The following MYH7B variants were observed in gnomAD, a reference collection of about 807,000 sequenced individuals.
The protein encoded by MYH7B is myosin-7B.
Under a neutral mutation model 234.5 loss-of-function variants are expected in MYH7B, and 205 were observed. The observed-to-expected ratio is 0.87, with a 90% confidence interval of 0.78 to 0.98. The LOEUF is 0.98. MYH7B is among the 50% of genes least tolerant of loss of function. MYH7B has a pLI of 0.00. For synonymous variants in MYH7B, 1,193 were observed against 1,105.0 expected (o/e 1.08, Z -1.58); for missense variants, 2,652 against 2,633.4 (o/e 1.01, Z -0.15).
At chr20:34,986,696 C>T (rs886115239) in intron 14 of MYH7B, among the ~76,000 whole-genome samples, 190 bp from the exon 15 acceptor site, 4 of 152,196 alleles carry the variant, frequency 2.6e-5, no homozygotes, top group African/African-American at 9.7e-5. Context: ...GCCCTTCACT[C>T]TCAGTGCCCT....
Position 34,998,755 on chromosome 20 carries a change from C to T in MYH7B, c.4030C>T (p.Arg1344Trp), listed in dbSNP as rs769827659. ...CCTGGCCCACGCCGTGCAGGCTCTGCGGCACGACTGTGACCTCCTGCGGGA... is the reference window on the plus strand; with the variant it reads ...CCTGGCCCACGCCGTGCAGGCTCTGTGGCACGACTGTGACCTCCTGCGGGA... The change falls in exon 35 of 45, where the codon CGG becomes TGG. Residue 1344 changes from arginine to tryptophan, a missense_variant. Physicochemically the swap from Arg to Trp is moderately radical, Grantham distance 101. Transcript: ENST00000262873. 1.4e-5 allele frequency: 22 copies of T among 1,612,296 alleles called. No individual in the cohort carries two copies. In the East Asian group the frequency reaches 2.2e-4, roughly 16 times the overall value.
rs539976235 is a variant in MYH7B, at chr20:34,972,674, C to T, written c.-221-2726C>T. On this transcript the variant is annotated intron_variant, in intron 2 of 44. Coordinates refer to ENST00000262873, the Ensembl canonical transcript of MYH7B. ...GTCAGGGTCTTGTTCCTGTTGCCCA[C>T]GCTGGAGTGCAGTGGCATGATCTCA... Among the ~76,000 whole-genome samples the T allele has an allele frequency of 1.1e-4, 16 of 152,198 alleles. No homozygotes were observed. The East Asian group carries it at 1.4e-3, about 13-fold the overall frequency.
In MYH7B at chr20:35,001,206, AG is replaced by A. The variant is rs776436558; in HGVS notation, c.5476-35del. 1.9e-5 allele frequency: 31 copies of A among 1,606,280 alleles called. No homozygotes were observed. The Admixed American group carries it at 5.1e-4, about 26-fold the overall frequency. ...TTGGCGCAGGCAGGGTGGGTGACCC[AG>A]GGGTGGGCTTGGCATCAGGCTGTCC... On this transcript the variant is annotated intron_variant, in intron 41 of 44. Transcript: ENST00000262873.
chr20:34,989,932 T>C lies in MYH7B; in HGVS notation c.1767+13T>C, dbSNP rs1420726138. On this transcript the variant is annotated intron_variant, in intron 20 of 44. Coordinates refer to ENST00000262873, the Ensembl canonical transcript of MYH7B. ...CTACGCAGGCGTGGTAGGTGCTTGC[T>C]GGAACCCCAGCCCTCGGCCAGGCTC... 1.2e-6 allele frequency: 2 copies of C among 1,613,422 alleles called. No homozygotes were observed. The highest frequency in any genetic ancestry group is 1.7e-6 in the Non-Finnish European group (2 of 1,179,502).
Position 34,980,876 on chromosome 20 carries a change from G to C in MYH7B, c.499+142G>C, listed in dbSNP as rs1482138013. ...GGTCGCCCAGCCGTTCTGTCCCTCC[G>C]CATGGGAGCTGACCTCCACTAGGGA... On this transcript the variant is annotated intron_variant, in intron 8 of 44. Coordinates refer to ENST00000262873, the Ensembl canonical transcript of MYH7B. 2.7e-6 allele frequency: 4 copies of C among 1,481,622 alleles called. No individual in the cohort carries two copies. In the African/African-American group the frequency reaches 5.6e-5, roughly 21 times the overall value. The allele number at this position is 1,481,622 out of a possible 1,614,324, so 91.8% of individuals were successfully genotyped here. A position where few individuals can be genotyped will look rare whatever the true frequency, so the allele number is the denominator to read the frequency against.
rs200049894 is a variant in MYH7B at position 35,001,311 on chromosome 20, C to T, written c.5542C>T (p.Arg1848Cys). Reference sequence around the variant, plus strand: ...GCACGCCGAGGCCCTTAAGGGCGTGCGCAAGCATGAGCGCCGTGTCAAGGA... The same window carrying T: ...GCACGCCGAGGCCCTTAAGGGCGTGTGCAAGCATGAGCGCCGTGTCAAGGA... Residue 1848 changes from arginine (R) to cysteine (C), a missense_variant, in exon 42 of 45, where the codon CGC becomes TGC. Transcript: ENST00000262873. 1.4e-5 allele frequency: 22 copies of T among 1,612,176 alleles called. 1 individual carries two copies. Among genetic ancestry groups the T allele is most frequent in the East Asian group, 8.9e-5 (4 of 44,788 alleles).
intron 9 of MYH7B, 58 bp from the exon 10 acceptor site, chr20:34,982,401 G>A: frequency 3.4e-6 from 5 of 1,475,494 alleles, no homozygotes; most frequent in Non-Finnish European, 4.7e-6. Flanking sequence ...TGAGGCATTG[G>A]GGGTGGGGGA....
Position 35,001,014 on chromosome 20 carries a change from G to A in MYH7B, c.5331G>A (p.Lys1777=), listed in dbSNP as rs1419234727. ...CGGCCATGATGGCCGAGGAGCTGAA[G>A]AAGGAGCAGGACACAAGTGCACACC... The change falls in exon 41 of 45, where the codon AAG becomes AAA. Residue 1777 remains lysine, a synonymous_variant. Coordinates refer to ENST00000262873, the Ensembl canonical transcript of MYH7B. The A allele has an allele frequency of 2.5e-6, 4 of 1,613,890 alleles. No homozygotes were observed. The South Asian group carries it at 4.4e-5, about 18-fold the overall frequency.
At chr20:34,991,331 T>C (rs1385023872) in intron 24 of MYH7B, among the ~76,000 whole-genome samples, 1 of 152,046 alleles carries the variant, frequency 6.6e-6, no homozygotes, top group Non-Finnish European at 1.5e-5. Context: ...GGGCAAATAG[T>C]GGAGGTGGAG....
exon 25 of MYH7B, chr20:34,993,176 T>C: frequency 6.2e-7 from 1 of 1,614,016 alleles, no homozygotes; most frequent in Non-Finnish European, 8.5e-7. Flanking sequence ...GAGAAACTGC[T>C]GGGCTCGCTG....
At chr20:34,983,288 C>CTTTTTTT (rs1360056840) in intron 10 of MYH7B, among the ~76,000 whole-genome samples, 1 of 64,098 alleles carries the variant, frequency 1.6e-5, no homozygotes, top group Non-Finnish European at 2.9e-5. Flanking sequence ...TCTTTCTTTT[C>CTTTTTTT]TTTTCTTTTC....
In MYH7B at chr20:34,975,747, G is replaced by A. The variant is rs577343427; in HGVS notation, c.-122+248G>A. ...TAATTTTTTTTTGAGACGGAGTCTC[G>A]TACTGTCGCCCAGGCTGGAGTGCAG... is the stretch of plus-strand genomic sequence containing the variant. On this transcript the variant is annotated intron_variant, in intron 3 of 44. Transcript: ENST00000262873. Among the ~76,000 whole-genome samples, 6 of 152,126 alleles carry A rather than the reference G, an allele frequency of 3.9e-5. No homozygotes were observed. In the South Asian group the frequency reaches 8.3e-4, roughly 21 times the overall value.
At chr20:34,991,808 G>A (rs895910059) in intron 24 of MYH7B, among the ~76,000 whole-genome samples, 2 of 152,344 alleles carry the variant, frequency 1.3e-5, no homozygotes, top group Non-Finnish European at 2.9e-5. Flanking sequence ...GGTTCACACA[G>A]ATACCATACA....
chr20:34,960,738 C>G (rs1391073473), intron 2 of MYH7B, among the ~76,000 whole-genome samples: 1 of 152,218 alleles, frequency 6.6e-6, no homozygotes, highest in Non-Finnish European at 1.5e-5. Context: ...TCTTCCAGCC[C>G]CTAGCACAGG....
At chr20:34,989,453 G>T (rs1164906279) in intron 19 of MYH7B, among the ~76,000 whole-genome samples, 5 of 152,194 alleles carry the variant, frequency 3.3e-5, no homozygotes, top group Non-Finnish European at 7.3e-5. Context: ...TGTGGCGGGG[G>T]TGAGAGTGGG....
chr20:34,980,485 C>T, intron 7 of MYH7B, 93 bp from the exon 8 acceptor site: 1 of 1,185,858 alleles, frequency 8.4e-7, no homozygotes, highest in Non-Finnish European at 1.2e-6. Flanking sequence ...TTGCGGTGAG[C>T]CGAGATCATG....
chr20:34,991,302 G>C (rs1429319445), intron 24 of MYH7B, among the ~76,000 whole-genome samples, 181 bp downstream of exon 24: 2 of 152,216 alleles, frequency 1.3e-5, no homozygotes, highest in African/African-American at 2.4e-5. Context: ...GGGGACTTGG[G>C]GAGAAGTGAA....
At chr20:34,999,849 T>G in exon 38 of MYH7B, 1 of 1,595,728 alleles carries the variant, frequency 6.3e-7, no homozygotes, top group Non-Finnish European at 8.5e-7. Flanking sequence ...CTCTCCCAGG[T>G]CAAAGCAGAA....
chr20:34,996,910 C>G, intron 30 of MYH7B, 152 bp downstream of exon 30: 1 of 1,330,670 alleles, frequency 7.5e-7, no homozygotes, highest in Non-Finnish European at 1.0e-6. Context: ...GTCTTGCCCT[C>G]CCTGTACTGA....
Sources: allele counts gnomAD v4.1 joint callset (sites outside exome capture counted in the v4.1 genomes callset), GRCh38; gene constraint gnomAD v4.1.1; transcripts MANE v1.5; gene names NCBI Gene and HGNC (gene_info 2026-07-23, HGNC 2026-07-21).